Variants in ANO10 observed in about 807,000 individuals in gnomAD.
ANO10 encodes the protein anoctamin-10.
Under a neutral mutation model 74.7 loss-of-function variants are expected in ANO10, and 77 were observed. The ratio of observed to expected loss-of-function variants is 1.03; its 90% CI spans 0.86 to 1.25. The LOEUF (loss-of-function observed/expected upper bound fraction) is 1.25, where lower values mean the gene tolerates loss of function less well. Ranked by LOEUF, ANO10 falls within the 50% of genes most tolerant of loss-of-function variation. ANO10 has a pLI of 0.00. For missense variants in ANO10, 721 were observed against 778.1 expected (o/e 0.93, Z 0.87); for synonymous variants, 279 against 284.9 (o/e 0.98, Z 0.21).
At chr3:43,478,952 A>C (rs967556764) in intron 11 of ANO10, among the ~76,000 whole-genome samples, 6 of 152,216 alleles carry the variant, frequency 3.9e-5, no homozygotes, top group African/African-American at 1.4e-4. Context: ...TCCACAAGTT[A>C]GGGCACTTTA....
At chr3:43,561,547 C>A in intron 8 of ANO10, 145 bp from the exon 9 acceptor site, 1 of 780,150 alleles carries the variant, frequency 1.3e-6, no homozygotes. Context: ...CAATAAATAG[C>A]ATACTATTGT....
chr3:43,385,669 C>A (rs1205889968), intron 12 of ANO10, among the ~76,000 whole-genome samples: 1 of 149,088 alleles, frequency 6.7e-6, no homozygotes, highest in Non-Finnish European at 1.5e-5. Flanking sequence ...AATGGAAAAC[C>A]AAACATTGTA....
At chr3:43,407,298 T>C (rs191986040) in intron 12 of ANO10, among the ~76,000 whole-genome samples, 1 of 152,224 alleles carries the variant, frequency 6.6e-6, no homozygotes, top group East Asian at 1.9e-4. Context: ...CAAGCTTGCA[T>C]GGCTTTTCTG....
chr3:43,581,137 T>C (rs1444256558), intron 4 of ANO10, among the ~76,000 whole-genome samples: 1 of 152,230 alleles, frequency 6.6e-6, no homozygotes, highest in African/African-American at 2.4e-5. Context: ...TTGATACATA[T>C]TATAAAATTG....
In ANO10 at chr3:43,598,563, A is replaced by C. The variant is rs2082194253; in HGVS notation, c.441T>G (p.Pro147=). The C allele has an allele frequency of 3.1e-6, 5 of 1,613,168 alleles. No homozygotes were observed. The African/African-American group carries it at 5.3e-5, about 17-fold the overall frequency. The part of the protein sequence containing the change: ...AKDEKMIPGY[P]QAKLYPGKSL... ...ATTTTCCTGGATACAACTTTGCCTGAGGGTAACCAGGGATCATTTTTTCAT... is the reference window on the plus strand; with the variant it reads ...ATTTTCCTGGATACAACTTTGCCTGCGGGTAACCAGGGATCATTTTTTCAT... The change falls in exon 4 of 13, where the codon CCT becomes CCG. Residue 147 remains proline, a synonymous_variant. Transcript: ENST00000292246.
intron 5 of ANO10, 137 bp downstream of exon 5, chr3:43,580,216 G>T: frequency 1.9e-5 from 21 of 1,097,792 alleles, no homozygotes; most frequent in Non-Finnish European, 1.9e-5. Context: ...CCATCAAAAT[G>T]TTTTCCCACA....
chr3:43,398,401 C>T lies in ANO10; in HGVS notation c.1915-31427G>A, dbSNP rs151026191. Among the ~76,000 whole-genome samples, 25 of 152,244 alleles carry T rather than the reference C, an allele frequency of 1.6e-4. No individual in the cohort carries two copies. The East Asian group carries it at 4.8e-3, about 29-fold the overall frequency. Reference sequence around the variant, plus strand: ...GGTAACAAAAAGTCTGTCATTAAAACTTTTTAAATAGTTAAAGTAATATAT... The same window carrying T: ...GGTAACAAAAAGTCTGTCATTAAAATTTTTTAAATAGTTAAAGTAATATAT... On this transcript the variant is annotated intron_variant, in intron 12 of 12. Transcript: ENST00000292246.
At chr3:43,638,850 G>A (rs2083640124) in intron 1 of ANO10, 2 of 152,262 alleles carry the variant, frequency 1.3e-5, no homozygotes, top group African/African-American at 2.4e-5. Context: ...GAGTCATTAT[G>A]TCACTCAGTT....
intron 1 of ANO10, among the ~76,000 whole-genome samples, chr3:43,642,070 GC>G (rs947286221): frequency 2.7e-4 from 41 of 152,270 alleles, no homozygotes; most frequent in African/African-American, 8.7e-4. Flanking sequence ...ATATTTCGAT[GC>G]CAAGATCAAG....
upstream of ANO10, among the ~76,000 whole-genome samples, chr3:43,625,940 C>CTT (rs113199708): frequency 1.4e-5 from 2 of 144,068 alleles, no homozygotes; most frequent in Admixed American, 7.0e-5. Context: ...TCTTCAATTA[C>CTT]TTTTTTTTTT....
chr3:43,524,846 C>T (rs1209295183), intron 11 of ANO10, among the ~76,000 whole-genome samples: 1 of 152,162 alleles, frequency 6.6e-6, no homozygotes, highest in African/African-American at 2.4e-5. Flanking sequence ...GTATCCAACA[C>T]AGCACCAAGA....
At chr3:43,453,829 A>G (rs914838869) in intron 11 of ANO10, among the ~76,000 whole-genome samples, 8 of 152,046 alleles carry the variant, frequency 5.3e-5, no homozygotes, top group Admixed American at 4.6e-4. Context: ...TTATGCCGGT[A>G]TTACATATTG....
intron 1 of ANO10, among the ~76,000 whole-genome samples, chr3:43,630,732 A>AT (rs2083537456): frequency 6.6e-6 from 1 of 152,220 alleles, no homozygotes; most frequent in African/African-American, 2.4e-5. Context: ...TGTGACCTCC[A>AT]TATTTAAAAT....
chr3:43,385,863 G>T (rs911664169), intron 12 of ANO10, among the ~76,000 whole-genome samples: 5 of 151,894 alleles, frequency 3.3e-5, no homozygotes, highest in Non-Finnish European at 7.4e-5. Context: ...TACCACTAAA[G>T]AACTTATTTA....
intron 1 of ANO10, among the ~76,000 whole-genome samples, chr3:43,640,220 A>C (rs934753292): frequency 2.6e-5 from 4 of 152,216 alleles, no homozygotes; most frequent in African/African-American, 9.6e-5. Context: ...GGGAACAGGG[A>C]AGAAAAGGTT....
chr3:43,686,700 G>C (rs939546769), intron 1 of ANO10, among the ~76,000 whole-genome samples: 1 of 152,164 alleles, frequency 6.6e-6, no homozygotes, highest in Non-Finnish European at 1.5e-5. Context: ...TCAAAATTCA[G>C]TCACACTAGC....
At chr3:43,611,490 AATTG>A (rs1034353072) in intron 1 of ANO10, among the ~76,000 whole-genome samples, 15 of 152,346 alleles carry the variant, frequency 9.8e-5, no homozygotes, top group African/African-American at 2.6e-4. Context: ...TAACTATTAG[AATTG>A]ATTAAGAGCT....
At chr3:43,682,178 G>T (rs1256236105) in intron 1 of ANO10, among the ~76,000 whole-genome samples, 2 of 151,962 alleles carry the variant, frequency 1.3e-5, no homozygotes, top group African/African-American at 2.4e-5. Flanking sequence ...TTGATAGACC[G>T]CTAGCAAGAC....
At chr3:43,483,822 G>A (rs2076363119) in intron 11 of ANO10, among the ~76,000 whole-genome samples, 1 of 152,204 alleles carries the variant, frequency 6.6e-6, no homozygotes, top group Admixed American at 6.5e-5. Flanking sequence ...GGGGCTTACA[G>A]GTCATAGGTG....
Sources: gnomAD v4.1 joint callset for allele counts (sites outside exome capture counted in the v4.1 genomes callset) on GRCh38, gnomAD v4.1.1 for gene constraint, MANE v1.5 for transcripts, NCBI Gene and HGNC (gene_info 2026-07-23, HGNC 2026-07-21) for gene names.